MYT1L: variants seen among roughly 807,000 people sequenced by gnomAD.
MYT1L encodes myelin transcription factor 1-like protein.
In MYT1L, 12 loss-of-function variants were observed where a neutral mutation model predicts 126.7. That is an observed-to-expected ratio of 0.09 (90% confidence interval 0.06 to 0.15). The LOEUF (loss-of-function observed/expected upper bound fraction) is 0.15, where lower values mean the gene tolerates loss of function less well. Among genes scored for constraint, MYT1L ranks in the 10% least tolerant of loss-of-function variants. The pLI is 1.00. For synonymous variants in MYT1L, 541 were observed against 604.2 expected (o/e 0.90, Z 1.53); for missense variants, 979 against 1,585.2 (o/e 0.62, Z 6.49).
chr2:1,854,830 G>C lies in MYT1L; in HGVS notation c.2712-3127C>G, dbSNP rs983226331. Among the ~76,000 whole-genome samples, 6 of 152,292 alleles carry C rather than the reference G, an allele frequency of 3.9e-5. No homozygotes were observed. The Middle Eastern group carries it at 0.017, about 432-fold the overall frequency. On this transcript the variant is annotated intron_variant, in intron 18 of 24. Transcript: ENST00000647738. ...GCCTGACGTCGTCTCCTTCTCTTGA[G>C]ACGCCTCTCCACCCGCCTGCATAGG...
At chr2:2,018,033 TACAC>T (rs2064615296) in intron 4 of MYT1L, among the ~76,000 whole-genome samples, 1 of 152,176 alleles carries the variant, frequency 6.6e-6, no homozygotes, top group Admixed American at 6.5e-5. Flanking sequence ...CTTTATCCTA[TACAC>T]ACACAAACGC....
chr2:2,004,272 GGCGTTCTTTCCT>G (rs2062835795), intron 4 of MYT1L, among the ~76,000 whole-genome samples: 3 of 36,766 alleles, frequency 8.2e-5, no homozygotes, highest in African/African-American at 2.5e-4. Context: ...CTTTCCTGCA[GGCGTTCTTTCCT>G]GCATGCGTTC....
At chr2:1,805,408 A>G (rs2035534933) in intron 22 of MYT1L, among the ~76,000 whole-genome samples, 1 of 152,166 alleles carries the variant, frequency 6.6e-6, no homozygotes, top group Admixed American at 6.5e-5. Flanking sequence ...CACTCTTGTT[A>G]CACTGAAGGT....
chr2:2,270,469 T>G (rs968411929), intron 2 of MYT1L, among the ~76,000 whole-genome samples: 21 of 152,098 alleles, frequency 1.4e-4, no homozygotes, highest in African/African-American at 4.8e-4. Context: ...GATAGAGGGA[T>G]GGATGAAGAG....
At chr2:2,178,088 TAA>T (rs1446741513) in intron 2 of MYT1L, among the ~76,000 whole-genome samples, 2 of 152,156 alleles carry the variant, frequency 1.3e-5, no homozygotes, top group Non-Finnish European at 2.9e-5. Flanking sequence ...TTATTTTATA[TAA>T]ACAGACTGTA....
At chr2:2,220,423 T>C (rs2093824679) in intron 2 of MYT1L, among the ~76,000 whole-genome samples, 1 of 152,116 alleles carries the variant, frequency 6.6e-6, no homozygotes, top group Non-Finnish European at 1.5e-5. Context: ...AAGGGAAATG[T>C]TCAGGTTAAG....
chr2:2,158,322 G>C (rs530819067), intron 3 of MYT1L, among the ~76,000 whole-genome samples: 28 of 152,178 alleles, frequency 1.8e-4, no homozygotes, highest in Non-Finnish European at 3.1e-4. Context: ...AAATCTGCAA[G>C]GAAAGGTTTG....
chr2:2,189,006 A>AGCT (rs763305000), intron 2 of MYT1L, among the ~76,000 whole-genome samples: 5 of 152,142 alleles, frequency 3.3e-5, no homozygotes, highest in Non-Finnish European at 7.3e-5. Flanking sequence ...AATTAATTTG[A>AGCT]GCTGCTGCCG....
intron 18 of MYT1L, among the ~76,000 whole-genome samples, chr2:1,874,115 C>T (rs1451254505): frequency 1.3e-5 from 2 of 152,134 alleles, no homozygotes; most frequent in African/African-American, 4.8e-5. Flanking sequence ...GAGATGAATG[C>T]CCATGTTCTC....
At chr2:1,794,687 CTA>C (rs2033047696) in intron 23 of MYT1L, among the ~76,000 whole-genome samples, 1 of 152,180 alleles carries the variant, frequency 6.6e-6, no homozygotes, top group African/African-American at 2.4e-5. Flanking sequence ...AGATATCTTC[CTA>C]TGTTCAGGAA....
At chr2:1,923,369 C>T in intron 9 of MYT1L, 106 bp from the exon 10 acceptor site, 10 of 930,470 alleles carry the variant, frequency 1.1e-5, no homozygotes, top group Non-Finnish European at 1.6e-5. Flanking sequence ...GCAAGTCAAA[C>T]CGTCTATCAT....
chr2:2,031,108 G>A (rs957640065), intron 4 of MYT1L, among the ~76,000 whole-genome samples: 1 of 152,208 alleles, frequency 6.6e-6, no homozygotes, highest in African/African-American at 2.4e-5. Flanking sequence ...AACTTCAGAA[G>A]TTAAAATTTA....
At chr2:1,959,982 T>C (rs2149378580) in intron 8 of MYT1L, among the ~76,000 whole-genome samples, 4 of 152,326 alleles carry the variant, frequency 2.6e-5, no homozygotes, top group Middle Eastern at 6.8e-3. Context: ...TGTCCTACTA[T>C]TTATTATCTT....
chr2:2,029,534 G>A (rs1487138774), intron 4 of MYT1L, among the ~76,000 whole-genome samples: 2 of 152,156 alleles, frequency 1.3e-5, no homozygotes, highest in Non-Finnish European at 2.9e-5. Context: ...ATCTCCACCT[G>A]GTCCCACCCT....
At chr2:1,968,827 C>T (rs550294992) in intron 8 of MYT1L, among the ~76,000 whole-genome samples, 2 of 152,320 alleles carry the variant, frequency 1.3e-5, no homozygotes, top group South Asian at 2.1e-4. Context: ...CTCTCTCAGA[C>T]CCCATCCTGT....
chr2:2,155,711 C>T (rs1045678881), intron 3 of MYT1L, among the ~76,000 whole-genome samples: 7 of 152,224 alleles, frequency 4.6e-5, no homozygotes, highest in African/African-American at 1.7e-4. Flanking sequence ...CAAGGAATTG[C>T]TATGCCCACT....
rs1370216698 is a variant in MYT1L at position 1,936,037 on chromosome 2, C to T, written c.505+6945G>A. ...AAGTAGGTTCAAGCAATTATTCTGC[C>T]TCAGCCTCCCAAGTAGCTGGGATTG... On this transcript the variant is annotated intron_variant, in intron 9 of 24. Transcript: ENST00000647738. 2.0e-5 allele frequency among the ~76,000 whole-genome samples: 3 copies of T among 152,212 alleles called. No individual in the cohort carries two copies. In the East Asian group the frequency reaches 5.8e-4, roughly 29 times the overall value.
intron 4 of MYT1L, among the ~76,000 whole-genome samples, chr2:2,051,663 T>G (rs980769679): frequency 9.9e-5 from 15 of 152,160 alleles, no homozygotes; most frequent in Non-Finnish European, 2.2e-4. Flanking sequence ...AGACACAACA[T>G]CTTCATCTTT....
chr2:2,281,610 C>A (rs556419100), intron 2 of MYT1L, among the ~76,000 whole-genome samples: 2 of 152,244 alleles, frequency 1.3e-5, no homozygotes, highest in African/African-American at 4.8e-5. Context: ...ATGGCGTGAA[C>A]TTAACTTGTG....
Sources: allele counts gnomAD v4.1 joint callset (sites outside exome capture counted in the v4.1 genomes callset), GRCh38; gene constraint gnomAD v4.1.1; transcripts MANE v1.5; gene names NCBI Gene and HGNC (gene_info 2026-07-23, HGNC 2026-07-21).